RALGPS1: variants seen among roughly 807,000 people sequenced by gnomAD.
RALGPS1 encodes ras-specific guanine nucleotide-releasing factor RalGPS1.
A neutral mutation model predicts 78.8 loss-of-function variants in RALGPS1; 19 were observed. The observed-to-expected ratio is 0.24, with a 90% CI of 0.17 to 0.35. The LOEUF is 0.35. RALGPS1 is among the 10% of genes least tolerant of loss of function. The pLI is 1.00. For missense variants in RALGPS1, 454 were observed against 688.3 expected, an observed-to-expected ratio of 0.66 and a Z score of 3.81; for synonymous variants, 228 against 256.3, an observed-to-expected ratio of 0.89 and a Z score of 1.06.
chr9:126,943,344 T>C (rs1282462045), intron 1 of RALGPS1, among the ~76,000 whole-genome samples: 2 of 152,132 alleles, frequency 1.3e-5, no homozygotes, highest in Non-Finnish European at 2.9e-5. Flanking sequence ...GGTTTTGTCA[T>C]GTTGGCCAGG....
At chr9:127,120,599 G>A (rs766212000) in intron 8 of RALGPS1, among the ~76,000 whole-genome samples, 14 of 152,184 alleles carry the variant, frequency 9.2e-5, no homozygotes, top group Admixed American at 8.5e-4. Flanking sequence ...CGAGGTGGGC[G>A]GATCACGAGG....
chr9:127,171,367 G>GA (rs1311345834), intron 10 of RALGPS1, among the ~76,000 whole-genome samples: 1 of 76,386 alleles, frequency 1.3e-5, no homozygotes, highest in East Asian at 3.8e-4. Flanking sequence ...AATTTAACTA[G>GA]AAAAAAACTT....
intron 3 of RALGPS1, among the ~76,000 whole-genome samples, chr9:126,977,342 A>G (rs904905439): frequency 3.3e-5 from 5 of 152,262 alleles, no homozygotes; most frequent in Non-Finnish European, 7.3e-5. Flanking sequence ...CAACTTTAAA[A>G]AATTACAAAA....
intron 6 of RALGPS1, among the ~76,000 whole-genome samples, chr9:127,050,605 A>G (rs776290816): frequency 6.6e-6 from 1 of 152,170 alleles, no homozygotes; most frequent in Non-Finnish European, 1.5e-5. Context: ...GGTCTGGGCC[A>G]GATGACTCTG....
intron 4 of RALGPS1, among the ~76,000 whole-genome samples, chr9:126,980,083 G>A (rs528429294): frequency 1.3e-5 from 2 of 152,290 alleles, no homozygotes; most frequent in South Asian, 2.1e-4. Flanking sequence ...AAATGGAAGA[G>A]TTTGCTCCTC....
At chr9:127,210,471 C>T (rs527249004) in intron 14 of RALGPS1, 5 of 570,802 alleles carry the variant, frequency 8.8e-6, no homozygotes, top group African/African-American at 3.8e-5. Context: ...GAAAGAATTA[C>T]GCGGAGACTT....
chr9:127,149,783 G>A (rs1588174632), intron 8 of RALGPS1, among the ~76,000 whole-genome samples: 1 of 152,232 alleles, frequency 6.6e-6, no homozygotes, highest in African/African-American at 2.4e-5. Flanking sequence ...CCAACTGTGG[G>A]CCAAGAGACC....
rs550503351 is a variant in RALGPS1, at chr9:127,022,517, GA to G, written c.217-11900del. ...CTACGTTGTTTTCCCATCCCATGCA[GA>G]AAAAAAAAAAAAATTGCACTCTTTA... is the stretch of plus-strand genomic sequence containing the variant. On this transcript the variant is annotated intron_variant, in intron 4 of 18. Coordinates refer to ENST00000259351, the MANE Select transcript of RALGPS1 (RefSeq NM_014636.3). 8.2e-3 allele frequency among the ~76,000 whole-genome samples: 1,168 copies of G among 141,822 alleles called. 11 individuals are homozygous for G. The highest frequency in any genetic ancestry group is 0.023 in the South Asian group (100 of 4,424). 93.0% of individuals were successfully genotyped at this position (141,822 alleles called of 152,430 possible).
At chr9:126,976,189 A>G (rs2040603310) in intron 3 of RALGPS1, among the ~76,000 whole-genome samples, 1 of 152,030 alleles carries the variant, frequency 6.6e-6, no homozygotes, top group South Asian at 2.1e-4. Flanking sequence ...AACCAAATTA[A>G]TGGTCCCTTA....
At chr9:127,135,717 G>A (rs1436033320) in intron 8 of RALGPS1, among the ~76,000 whole-genome samples, 2 of 152,214 alleles carry the variant, frequency 1.3e-5, no homozygotes, top group East Asian at 1.9e-4. Context: ...TGTGAAGGCG[G>A]TAGGGGAGGA....
At chr9:127,141,461 A>T (rs1194415546) in intron 8 of RALGPS1, among the ~76,000 whole-genome samples, 1 of 152,100 alleles carries the variant, frequency 6.6e-6, no homozygotes, top group African/African-American at 2.4e-5. Flanking sequence ...TTTCCAGCTC[A>T]GGCACAGTCC....
At position 127,212,526 on chromosome 9, in the gene RALGPS1, C is replaced by A; in HGVS notation, c.1354-101C>A. On this transcript the variant is annotated intron_variant, in intron 15 of 18. Transcript: ENST00000259351. The surrounding 1 kb of genome is among the most constrained non-coding windows in gnomAD (Gnocchi z 6.0). ...GTGGAGGGCCAGGGAAGAGATGGGG[C>A]CTGCACTGGCATTGATGGGATGGCT... 3 of 823,996 alleles carry A rather than the reference C, an allele frequency of 3.6e-6. No homozygotes were observed. The highest frequency in any genetic ancestry group is 5.7e-6 in the Non-Finnish European group (3 of 524,746). 51.0% of individuals were successfully genotyped at this position (823,996 alleles called of 1,614,324 possible). A position where few individuals can be genotyped will look rare whatever the true frequency, so the allele number is the denominator to read the frequency against.
At chr9:127,013,808 A>C (rs2133962496) in intron 4 of RALGPS1, among the ~76,000 whole-genome samples, 1 of 151,468 alleles carries the variant, frequency 6.6e-6, no homozygotes, top group South Asian at 2.1e-4. Flanking sequence ...TCTCTGATTC[A>C]CCTCCTCTGG....
chr9:126,938,689 A>G (rs1036231866), intron 1 of RALGPS1, among the ~76,000 whole-genome samples: 3 of 152,248 alleles, frequency 2.0e-5, no homozygotes, highest in Non-Finnish European at 4.4e-5. Flanking sequence ...AGGCTTTGCG[A>G]GTCATGGAAG....
At chr9:127,167,349 G>A (rs957959967) in intron 9 of RALGPS1, among the ~76,000 whole-genome samples, 3 of 152,318 alleles carry the variant, frequency 2.0e-5, no homozygotes, top group South Asian at 2.1e-4. Flanking sequence ...TGCAGGTTTC[G>A]CCTGGCCTGG....
chr9:127,123,571 C>A (rs2056357850), intron 8 of RALGPS1, among the ~76,000 whole-genome samples: 1 of 152,176 alleles, frequency 6.6e-6, no homozygotes, highest in Non-Finnish European at 1.5e-5. Context: ...CCTCTTTAGC[C>A]TGTGTTTTCA....
chr9:127,088,861 T>C (rs981399538), intron 8 of RALGPS1: 3 of 1,532,188 alleles, frequency 2.0e-6, no homozygotes, highest in Non-Finnish European at 2.7e-6. Context: ...TGGTGAGGAG[T>C]TGTTCTTTGT....
chr9:126,963,435 A>G (rs1044029334), intron 2 of RALGPS1, among the ~76,000 whole-genome samples: 5 of 152,212 alleles, frequency 3.3e-5, no homozygotes, highest in African/African-American at 1.2e-4. Flanking sequence ...TATGCTGTGT[A>G]TATGTACATA....
chr9:127,040,535 G>A (rs2047200986), intron 5 of RALGPS1, among the ~76,000 whole-genome samples: 1 of 152,198 alleles, frequency 6.6e-6, no homozygotes, highest in South Asian at 2.1e-4. Context: ...TGGGGGTCAA[G>A]GAGAGAGTAA....
Sources: gnomAD v4.1 joint callset for allele counts (sites outside exome capture counted in the v4.1 genomes callset) on GRCh38, gnomAD v4.1.1 for gene constraint, Gnocchi (gnomAD v3.1) non-coding constraint, MANE v1.5 for transcripts, NCBI Gene and HGNC (gene_info 2026-07-23, HGNC 2026-07-21) for gene names.